LMF2: variants seen among roughly 807,000 people sequenced by gnomAD.
LMF2 encodes transmembrane protein 112B.
A neutral mutation model predicts 81.5 loss-of-function variants in LMF2; 113 were observed. The observed-to-expected ratio is 1.39, with a 90% CI of 1.19 to 1.62. LMF2 has a LOEUF of 1.62. LMF2 is among the 40% of genes most tolerant of loss of function. LMF2 has a pLI of 0.00. For missense variants in LMF2, 1,235 were observed against 929.1 expected, an observed-to-expected ratio of 1.33 and a Z score of -4.28; for synonymous variants, 645 against 424.5, an observed-to-expected ratio of 1.52 and a Z score of -6.39.
rs950070531 is a variant in LMF2, at chr22:50,505,422, G to T, written c.1032C>A (p.Arg344=). 6.2e-7 allele frequency: 1 copy of T among 1,612,984 alleles called. No individual in the cohort carries two copies. Among genetic ancestry groups the T allele is most frequent in the African/African-American group, 1.3e-5 (1 of 74,954 alleles). Residue 344 remains arginine, a synonymous_variant, in exon 7 of 14, where the codon CGC becomes CGA. Transcript: ENST00000474879. Reference sequence around the variant, plus strand: ...ACTCACTGGTTCTGGAGTGGATGGTGCGCTGCTGCCAGTCAACCTCCAGGC... The same window carrying T: ...ACTCACTGGTTCTGGAGTGGATGGTTCGCTGCTGCCAGTCAACCTCCAGGC... The part of the protein sequence containing the change: ...YFGLEVDWQQ[R]TIHSRTTFTF...
rs966462665 is a variant in LMF2, at chr22:50,503,164, G to A, written c.*227C>T. 1.3e-5 allele frequency: 7 copies of A among 532,428 alleles called. No homozygotes were observed. The highest frequency in any genetic ancestry group is 4.0e-5 in the African/African-American group (2 of 49,800). The allele number at this position is 532,428 out of a possible 1,614,324, so 33.0% of individuals were successfully genotyped here. On this transcript the variant is annotated 3_prime_UTR_variant, in exon 14 of 14. Coordinates refer to ENST00000474879, the MANE Select transcript of LMF2 (RefSeq NM_033200.3). ...GAGCTTGGTCGTGTTTTCCTCCTGG[G>A]CCAATCACAGAGGCAATAGTGGGAG...
rs1264671076 is a variant in LMF2 at position 50,506,362 on chromosome 22, C to T, written c.518G>A (p.Trp173Ter). Residue 173 changes from tryptophan (W) to a stop codon, truncating the protein, a stop_gained, in exon 4 of 14, where the codon TGG (tryptophan) becomes TAG (stop). Coordinates refer to ENST00000474879, the MANE Select transcript of LMF2 (RefSeq NM_033200.3). LOFTEE classifies it high-confidence loss of function. ...HEDLPFWLVR[W>*]LLFRLMFASG... ...GGCGAACATGAGGCGGAACAGCAGC[C>T]ATCGCACCAGCCAGAAGGGGAGGTC... 6.5e-7 allele frequency: 1 copy of T among 1,549,624 alleles called. No individual in the cohort carries two copies. The highest frequency in any genetic ancestry group is 8.7e-7 in the Non-Finnish European group (1 of 1,146,980).
rs772200216 is a variant in LMF2 at position 50,505,219 on chromosome 22, G to C, written c.1157+10C>G. 8 of 1,612,748 alleles carry C rather than the reference G, an allele frequency of 5.0e-6. No individual in the cohort carries two copies. The highest frequency in any genetic ancestry group is 6.8e-6 in the Non-Finnish European group (8 of 1,179,800). On this transcript the variant is annotated intron_variant, in intron 8 of 13. Coordinates refer to ENST00000474879, the MANE Select transcript of LMF2 (RefSeq NM_033200.3). ...ACCTGTGCCCCCTCCCTGCTTCCTG[G>C]GCCATGTACCTCCACAGGGCACTCA... is the stretch of plus-strand genomic sequence containing the variant.
rs743615 is a variant in LMF2 at position 50,505,699 on chromosome 22, G to A, written c.891C>T (p.His297=). The part of the protein sequence containing the change: ...DDQHLAAEPG[H]GSRKKTATSW... ...AGGTGGCCGTCTTCTTGCGGCTGCC[G>A]TGGCCAGGCTCAGCAGCCAGGTGCT... Residue 297 remains histidine, a synonymous_variant, in exon 6 of 14, where the codon CAC becomes CAT. Coordinates refer to ENST00000474879, the MANE Select transcript of LMF2 (RefSeq NM_033200.3). The A allele has an allele frequency of 0.3, 488,826 of 1,612,408 alleles. 75,966 individuals are homozygous for A. The highest frequency in any genetic ancestry group is 0.43 in the South Asian group (39,261 of 91,070).
rs765992860 is a variant in LMF2 at position 50,503,638 on chromosome 22, G to A, written c.1877C>T (p.Thr626Ile). Residue 626 changes from threonine to isoleucine, a missense_variant, in exon 14 of 14, where the codon ACT (threonine) becomes ATT (isoleucine). Transcript: ENST00000474879. ...NSTLAQALHWTRSQLSPLEAP... is the reference protein window; with the variant it reads ...NSTLAQALHWIRSQLSPLEAP... ...CTCCAGGGGAGACAGCTGAGAGCGA[G>A]TCCAGTGGAGGGCCTGGGCCAGGGT... 1.3e-6 allele frequency: 2 copies of A among 1,590,264 alleles called. No individual in the cohort carries two copies. Among genetic ancestry groups the A allele is most frequent in the Non-Finnish European group, 1.7e-6 (2 of 1,170,418 alleles).
intron 13 of LMF2, 50 bp from the exon 14 acceptor site, chr22:50,503,749 A>G: frequency 6.3e-7 from 1 of 1,589,916 alleles, no homozygotes; most frequent in Non-Finnish European, 8.5e-7. Context: ...TACTGGGTTT[A>G]CCCCGGGAGG....
chr22:50,506,770 G>C lies in LMF2; in HGVS notation c.348+12C>G. The C allele has an allele frequency of 6.2e-7, 1 of 1,612,792 alleles. No homozygotes were observed. The highest frequency in any genetic ancestry group is 8.5e-7 in the Non-Finnish European group (1 of 1,179,494). On this transcript the variant is annotated intron_variant, in intron 2 of 13. Coordinates refer to ENST00000474879, the MANE Select transcript of LMF2 (RefSeq NM_033200.3). ...TTGGAGATAGAGTGAGCTGGTCACA[G>C]GTCCCACTTGCCTGGCAGGCTGACA...
intron 4 of LMF2, 30 bp from the exon 5 acceptor site, chr22:50,506,243 C>G: frequency 6.5e-7 from 1 of 1,548,282 alleles, no homozygotes; most frequent in East Asian, 2.4e-5. Context: ...TCAGGGCTGG[C>G]CGAGCCCCCA....
Position 50,504,926 on chromosome 22 carries a change from C to T in LMF2, c.1313G>A (p.Arg438His), listed in dbSNP as rs756228925. Residue 438 changes from arginine (R) to histidine (H), a missense_variant, in exon 10 of 14, where the codon CGC becomes CAC. Coordinates refer to ENST00000474879, the MANE Select transcript of LMF2 (RefSeq NM_033200.3). Reference protein sequence around the residue: ...THGRLWTGAHRLFGAVEHLQL... With the variant: ...THGRLWTGAHHLFGAVEHLQL... ...TAGGTGCTCCACGGCACCAAACAGGCGGTGGGCCCCGGTCCAGAGGCGCCC... is the reference window on the plus strand; with the variant it reads ...TAGGTGCTCCACGGCACCAAACAGGTGGTGGGCCCCGGTCCAGAGGCGCCC... 18 of 1,606,936 alleles carry T rather than the reference C, an allele frequency of 1.1e-5. No individual in the cohort carries two copies. The Admixed American group carries it at 1.2e-4, about 11-fold the overall frequency.
Position 50,503,529 on chromosome 22 carries a change from C to G in LMF2, c.1986G>C (p.Arg662=). ...VQALLAPCSL[R]SSPLAPVSGE... ...CGCTGACTGGTGCCAGCGGGGAGGA[C>G]CGGAGAGAACAGGGTGCTAGCAGGG... The change falls in exon 14 of 14, where the codon CGG becomes CGC. Residue 662 remains arginine (R), a synonymous_variant. Transcript: ENST00000474879. The G allele has an allele frequency of 6.4e-7, 1 of 1,569,014 alleles. No homozygotes were observed. The highest frequency in any genetic ancestry group is 8.6e-7 in the Non-Finnish European group (1 of 1,161,520).
chr22:50,505,368 C>A (rs761385892), intron 7 of LMF2, 34 bp from the exon 8 acceptor site: 1 of 1,613,218 alleles, frequency 6.2e-7, no homozygotes, highest in South Asian at 1.1e-5. Context: ...GACTGGTCCG[C>A]CCCTGCCCTC....
chr22:50,504,514 CG>C, intron 11 of LMF2, 44 bp downstream of exon 11: 1 of 1,509,578 alleles, frequency 6.6e-7, no homozygotes, highest in East Asian at 2.4e-5. Context: ...CTCCCCACCC[CG>C]CTCCACCCCA....
At position 50,504,438 on chromosome 22, in the gene LMF2, G is replaced by A. The variant is rs142850563; in HGVS notation, c.1620C>T (p.Val540=). 49 of 1,611,588 alleles carry A rather than the reference G, an allele frequency of 3.0e-5. No individual in the cohort carries two copies. The highest frequency in any genetic ancestry group is 4.0e-5 in the Non-Finnish European group (47 of 1,179,640). The change falls in exon 12 of 14, where the codon GTC becomes GTT. Residue 540 remains valine, a synonymous_variant. Coordinates refer to ENST00000474879, the MANE Select transcript of LMF2 (RefSeq NM_033200.3). ...AGGGATACCTGGCCACTTGGCTCTG[G>A]ACAAGGCGGATCACTGCAGCGAGAG... is the stretch of plus-strand genomic sequence containing the variant. ...LQGKEPVIRL[V]QSQVARYPFH...
intron 3 of LMF2, 67 bp downstream of exon 3, chr22:50,506,571 G>C (rs990662961): frequency 2.2e-5 from 35 of 1,591,176 alleles, no homozygotes; most frequent in Non-Finnish European, 3.0e-5. Flanking sequence ...AGTCCTCCCA[G>C]GAAGGGCAGA....
rs539013424 is a variant in LMF2, at chr22:50,503,033, GCTTCCCCTCTTCCCCTGGGAGTCAGCCT to G, written c.*330_*357del. ...TGAAGATGACGTGGAAGATGACAGT[GCTTCCCCTCTTCCCCTGGGAGTCAGCCT>G]CTTCCCCTCTGGCACGGGGCCTAGG... On this transcript the variant is annotated 3_prime_UTR_variant, in exon 14 of 14. Transcript: ENST00000474879. The G allele has an allele frequency of 1.9e-4, 52 of 267,316 alleles. No individual in the cohort carries two copies. The South Asian group carries it at 2.9e-3, about 15-fold the overall frequency. 16.6% of individuals were successfully genotyped at this position (267,316 alleles called of 1,614,324 possible). A position where few individuals can be genotyped will look rare whatever the true frequency, so the allele number is the denominator to read the frequency against.
rs11549571 is a variant in LMF2, at chr22:50,506,835, G to A, written c.295C>T (p.Arg99Cys). The A allele has an allele frequency of 6.4e-5, 103 of 1,603,882 alleles. No homozygotes were observed. The East Asian group carries it at 2.1e-3, about 32-fold the overall frequency. ...AGCAGCAAGTAGATGACAGGGTGGC[G>A]CAGTGGGCTCAGCAGCAGGGCTCCC... The part of the protein sequence containing the change: ...ALGALLLSPL[R>C]HPVIYLLLWA... Residue 99 changes from arginine (R) to cysteine (C), a missense_variant, in exon 2 of 14, where the codon CGC becomes TGC. Arg to Cys is a radical substitution (Grantham distance 180). Coordinates refer to ENST00000474879, the MANE Select transcript of LMF2 (RefSeq NM_033200.3).
intron 1 of LMF2, chr22:50,507,353 G>A (rs371062850): frequency 3.3e-6 from 2 of 604,178 alleles, no homozygotes; most frequent in African/African-American, 1.9e-5. Flanking sequence ...ACCTCTCTCA[G>A]AGTTCTGTCC....
Position 50,505,450 on chromosome 22 carries a change from A to G in LMF2, c.1004T>C (p.Phe335Ser). Reference sequence around the variant, plus strand: ...CTGCTGCCAGTCAACCTCCAGGCCAAAGTAGTGCACAGTGCCATAGGCCAG... The same window carrying G: ...CTGCTGCCAGTCAACCTCCAGGCCAGAGTAGTGCACAGTGCCATAGGCCAG... ...GLLAYGTVHY[F>S]GLEVDWQQRT... The change falls in exon 7 of 14, where the codon TTT (phenylalanine) becomes TCT (serine). Residue 335 changes from phenylalanine (F) to serine (S), a missense_variant. Physicochemically the swap from Phe to Ser is radical, Grantham distance 155. Coordinates refer to ENST00000474879, the MANE Select transcript of LMF2 (RefSeq NM_033200.3). 1.2e-6 allele frequency: 2 copies of G among 1,613,076 alleles called. No homozygotes were observed. The highest frequency in any genetic ancestry group is 1.7e-6 in the Non-Finnish European group (2 of 1,180,026).
chr22:50,505,810 C>T lies in LMF2; in HGVS notation c.780G>A (p.Leu260=), dbSNP rs1381038913. ...LRLAAFYSQV[L]LQVLIIITGN... Reference sequence around the variant, plus strand: ...CGGTGATGATAATCAGGACCTGCAGCAGCACCTGGGGGCGGCCCGCTCTCA... The same window carrying T: ...CGGTGATGATAATCAGGACCTGCAGTAGCACCTGGGGGCGGCCCGCTCTCA... The change falls in exon 6 of 14, where the codon CTG becomes CTA. Residue 260 remains leucine (L), a synonymous_variant. Transcript: ENST00000474879. The T allele has an allele frequency of 6.2e-7, 1 of 1,612,942 alleles. No homozygotes were observed.
Sources: allele counts gnomAD v4.1 joint callset, GRCh38; gene constraint gnomAD v4.1.1; transcripts MANE v1.5; gene names NCBI Gene and HGNC (gene_info 2026-07-23, HGNC 2026-07-21).